The following FLT3 variants were observed in gnomAD, a reference collection of about 807,000 sequenced individuals.
The protein encoded by FLT3 is fms related receptor tyrosine kinase 3.
Under a neutral mutation model 126.6 loss-of-function variants are expected in FLT3, and 46 were observed. The ratio of observed to expected loss-of-function variants is 0.36; its 90% confidence interval spans 0.29 to 0.46. The LOEUF is 0.46. FLT3 is among the 20% of genes least tolerant of loss of function. The pLI is 1.00. For missense variants in FLT3, 1,069 were observed against 1,190.3 expected (o/e 0.90, Z 1.50); for synonymous variants, 404 against 434.4 (o/e 0.93, Z 0.87).
intron 23 of FLT3, among the ~76,000 whole-genome samples, chr13:28,011,747 TTCTC>T (rs1871408088): frequency 3.3e-5 from 5 of 151,472 alleles, no homozygotes; most frequent in East Asian, 2.0e-4. Flanking sequence ...TTTCTTTTTT[TTCTC>T]TCTTTCTCTT....
chr13:28,081,870 T>G (rs1407450370), intron 1 of FLT3, among the ~76,000 whole-genome samples: 1 of 137,366 alleles, frequency 7.3e-6, no homozygotes, highest in African/African-American at 2.7e-5. Context: ...TTTTTTTTTT[T>G]TTGTGAGACA....
chr13:28,082,981 C>A (rs569006925), intron 1 of FLT3, among the ~76,000 whole-genome samples: 2 of 151,442 alleles, frequency 1.3e-5, no homozygotes, highest in East Asian at 3.9e-4. Flanking sequence ...GCTGGGATTA[C>A]AGGCATGAGC....
chr13:28,075,910 C>T (rs1349302882), intron 1 of FLT3, among the ~76,000 whole-genome samples: 2 of 151,854 alleles, frequency 1.3e-5, no homozygotes, highest in East Asian at 3.9e-4. Context: ...ATCCTCCTGC[C>T]TCAGCCTCCC....
In FLT3 at chr13:28,087,335, G is replaced by A. The variant is rs74533457; in HGVS notation, c.43+13133C>T. On this transcript the variant is annotated intron_variant, in intron 1 of 23. Transcript: ENST00000241453. ...TCCTCCTGCCTCAGCCTCCCAAAGC[G>A]TCCTTCAGTTCTTTAAAGATGTTGC... 3.5e-3 allele frequency among the ~76,000 whole-genome samples: 528 copies of A among 152,272 alleles called. 1 individual carries two copies. The highest frequency in any genetic ancestry group is 0.011 in the African/African-American group (463 of 41,546).
At chr13:28,075,801 A>T (rs1222907830) in intron 1 of FLT3, among the ~76,000 whole-genome samples, 1 of 146,166 alleles carries the variant, frequency 6.8e-6, no homozygotes, top group Non-Finnish European at 1.5e-5. Flanking sequence ...TCTCTTAGCA[A>T]TTTTTTTTTT....
chr13:28,011,694 C>CCTTTCTTTCTCTTTTTCTCTTT (rs1871388111), intron 23 of FLT3, among the ~76,000 whole-genome samples: 1 of 99,654 alleles, frequency 1.0e-5, no homozygotes, highest in African/African-American at 3.2e-5. Context: ...CTCCTTCCTT[C>CCTTTCTTTCTCTTTTTCTCTTT]CTTTCTTTCT....
At chr13:28,090,107 C>T (rs1182879734) in intron 1 of FLT3, among the ~76,000 whole-genome samples, 1 of 151,708 alleles carries the variant, frequency 6.6e-6, no homozygotes, top group Non-Finnish European at 1.5e-5. Flanking sequence ...GCGGCACAAT[C>T]TCAGCTCACT....
At chr13:28,092,915 C>CTTTTTT (rs780584936) in intron 1 of FLT3, among the ~76,000 whole-genome samples, 8 of 89,844 alleles carry the variant, frequency 8.9e-5, no homozygotes, top group African/African-American at 1.0e-4. Flanking sequence ...CCAGAGACTA[C>CTTTTTT]TTTTTTTTTT....
At chr13:28,021,645 G>A (rs1280378839) in intron 19 of FLT3, among the ~76,000 whole-genome samples, 2 of 152,122 alleles carry the variant, frequency 1.3e-5, no homozygotes, top group Non-Finnish European at 2.9e-5. Flanking sequence ...CAGTGCTATA[G>A]TCATAGCTCA....
At chr13:28,034,847 G>C (rs1012585680) in intron 12 of FLT3, among the ~76,000 whole-genome samples, 10 of 151,946 alleles carry the variant, frequency 6.6e-5, no homozygotes, top group Non-Finnish European at 1.2e-4. Context: ...CCAGCTGCTC[G>C]GGAGGCTGAG....
At chr13:28,015,524 G>A in intron 21 of FLT3, 66 bp downstream of exon 21, 1 of 814,102 alleles carries the variant, frequency 1.2e-6, no homozygotes, top group Non-Finnish European at 2.1e-6. Context: ...GAGGGGTGGG[G>A]CGGCACCGAG....
In FLT3 at chr13:28,052,681, C is replaced by T. The variant is rs1875628837; in HGVS notation, c.485-7G>A. On this transcript the variant is annotated splice_region_variant and splice_polypyrimidine_tract_variant and intron_variant, in intron 4 of 23. Coordinates refer to ENST00000241453, the MANE Select transcript of FLT3 (RefSeq NM_004119.3). Reference sequence around the variant, plus strand: ...AATGTGTAAAGCAGGGTATCTAAAGCATCATAAGTTATTAACATTTTACTA... The same window carrying T: ...AATGTGTAAAGCAGGGTATCTAAAGTATCATAAGTTATTAACATTTTACTA... 3 of 1,571,300 alleles carry T rather than the reference C, an allele frequency of 1.9e-6. No homozygotes were observed. The highest frequency in any genetic ancestry group is 2.6e-6 in the Non-Finnish European group (3 of 1,147,330).
At chr13:28,035,397 A>G (rs1029332113) in intron 12 of FLT3, 98 bp downstream of exon 12, 15 of 1,122,922 alleles carry the variant, frequency 1.3e-5, no homozygotes. Flanking sequence ...CTGACCCTAT[A>G]CTCTCCTGTA....
rs936520818 is a variant in FLT3, at chr13:28,050,196, A to G, written c.641T>C (p.Val214Ala). 1 of 1,614,110 alleles carries G rather than the reference A, an allele frequency of 6.2e-7. No individual in the cohort carries two copies. The highest frequency in any genetic ancestry group is 8.5e-7 in the Non-Finnish European group (1 of 1,179,962). The change falls in exon 6 of 24, where the codon GTT (valine) becomes GCT (alanine). Residue 214 changes from valine (V) to alanine (A), a missense_variant. Coordinates refer to ENST00000241453, the MANE Select transcript of FLT3 (RefSeq NM_004119.3). Reference sequence around the variant, plus strand: ...ATGAAGCACTTTTTCCTCCTTTTTAACAACAGCTGGACTTTCTTCTTTACA... The same window carrying G: ...ATGAAGCACTTTTTCCTCCTTTTTAGCAACAGCTGGACTTTCTTCTTTACA... Reference protein sequence around the residue: ...ESCKEESPAVVKKEEKVLHEL... With the variant: ...ESCKEESPAVAKKEEKVLHEL...
At chr13:28,016,403 T>C (rs1389570214) in intron 20 of FLT3, among the ~76,000 whole-genome samples, 2 of 152,124 alleles carry the variant, frequency 1.3e-5, no homozygotes, top group Non-Finnish European at 2.9e-5. Context: ...CCCGAGTAGC[T>C]GGGATTACAG....
intron 19 of FLT3, among the ~76,000 whole-genome samples, chr13:28,020,424 C>G (rs1470223537): frequency 1.3e-5 from 2 of 152,228 alleles, no homozygotes; most frequent in African/African-American, 4.8e-5. Flanking sequence ...TCTCTGCTCA[C>G]TGCAACCTCT....
At chr13:28,019,713 C>A (rs1283620460) in intron 19 of FLT3, among the ~76,000 whole-genome samples, 4 of 152,180 alleles carry the variant, frequency 2.6e-5, no homozygotes, top group Admixed American at 2.0e-4. Flanking sequence ...ACTGGCTTGG[C>A]ACCCACACAG....
chr13:28,056,211 C>A lies in FLT3; in HGVS notation c.484+1136G>T, dbSNP rs189700540. On this transcript the variant is annotated intron_variant, in intron 4 of 23. Coordinates refer to ENST00000241453, the MANE Select transcript of FLT3 (RefSeq NM_004119.3). ...GGTGCAGAAAGCCTCCAGCTGTGCC[C>A]ACCACCACACCTCTCAGAGGGGCTG... is the stretch of plus-strand genomic sequence containing the variant. 1.8e-3 allele frequency among the ~76,000 whole-genome samples: 270 copies of A among 152,228 alleles called. 7 individuals are homozygous for A. The highest frequency in any genetic ancestry group is 0.017 in the Admixed American group (267 of 15,284).
At chr13:28,030,337 A>G (rs1390424870) in intron 15 of FLT3, among the ~76,000 whole-genome samples, 2 of 152,206 alleles carry the variant, frequency 1.3e-5, no homozygotes, top group East Asian at 3.8e-4. Flanking sequence ...GGCTAAAATA[A>G]TATCTTACAT....
Sources: gnomAD v4.1 joint callset for allele counts (sites outside exome capture counted in the v4.1 genomes callset) on GRCh38, gnomAD v4.1.1 for gene constraint, MANE v1.5 for transcripts, NCBI Gene and HGNC (gene_info 2026-07-23, HGNC 2026-07-21) for gene names.